The following NSMF variants were observed in gnomAD, a reference collection of about 807,000 sequenced individuals.
The protein encoded by NSMF is nasal embryonic LHRH factor.
NSMF carries 31 observed loss-of-function variants against 71.0 expected under a neutral mutation model. The ratio of observed to expected loss-of-function variants is 0.44; its 90% CI spans 0.33 to 0.59. The LOEUF is 0.59. Ranked by LOEUF, NSMF falls within the 20% of genes least tolerant of loss-of-function variation. NSMF has a pLI of 0.04. For missense variants in NSMF, 673 were observed against 740.5 expected (o/e 0.91, Z 1.06); for synonymous variants, 345 against 287.1 (o/e 1.20, Z -2.04).
intron 5 of NSMF, 139 bp from the exon 6 acceptor site, chr9:137,455,446 C>G (rs1255239432): frequency 5.2e-6 from 6 of 1,148,984 alleles, no homozygotes; most frequent in Non-Finnish European, 7.7e-6. Context: ...CCTGCCTCAC[C>G]TGTCGAGGCC....
In NSMF at chr9:137,455,226, T is replaced by C. The variant is rs764403004; in HGVS notation, c.779+13A>G. The C allele has an allele frequency of 3.1e-6, 5 of 1,612,538 alleles. No individual in the cohort carries two copies. The East Asian group carries it at 1.1e-4, about 36-fold the overall frequency. Reference sequence around the variant, plus strand: ...GAGATGGACCCTGGTGGCGAGTGGCTGGCAGGCCCTACCTCTGGATTACAG... The same window carrying C: ...GAGATGGACCCTGGTGGCGAGTGGCCGGCAGGCCCTACCTCTGGATTACAG... On this transcript the variant is annotated intron_variant, in intron 6 of 15. Coordinates refer to ENST00000371475, the MANE Select transcript of NSMF (RefSeq NM_001130969.3).
chr9:137,450,230 A>G lies in NSMF; in HGVS notation c.1262T>C (p.Leu421Pro). ...CQGGPGHLYL[L>P]KNKVATFAKV... ...GGCAAAGGTGGCCACCTTGTTCTTG[A>G]GGAGATAGAGGTGTCCAGGACCTCC... The change falls in exon 13 of 16, where the codon CTC (leucine) becomes CCC (proline). Residue 421 changes from leucine (L) to proline (P), a missense_variant. Leu to Pro is a moderately conservative substitution (Grantham distance 98). This residue lies in a region of NSMF where 202 missense variants were observed against 280.8 expected (regional missense o/e 0.72). Transcript: ENST00000371475. The G allele has an allele frequency of 6.2e-7, 1 of 1,613,372 alleles. No individual in the cohort carries two copies. Among genetic ancestry groups the G allele is most frequent in the Admixed American group, 1.7e-5 (1 of 60,016 alleles).
Position 137,457,622 on chromosome 9 carries a change from G to A in NSMF, c.413C>T (p.Pro138Leu). 6.4e-7 allele frequency: 1 copy of A among 1,550,764 alleles called. No individual in the cohort carries two copies. The highest frequency in any genetic ancestry group is 8.7e-7 in the Non-Finnish European group (1 of 1,147,074). The change falls in exon 3 of 16, where the codon CCC becomes CTC. Residue 138 changes from proline (P) to leucine (L), a missense_variant. Physicochemically the swap from Pro to Leu is moderately conservative, Grantham distance 98. Transcript: ENST00000371475. ...GCTGCCACCAGGGCTGGCGCGCAGGGGCTGGCTGTGATGGTGAGGGTGCCG... is the reference window on the plus strand; with the variant it reads ...GCTGCCACCAGGGCTGGCGCGCAGGAGCTGGCTGTGATGGTGAGGGTGCCG... The part of the protein sequence containing the change: ...RQRHPHHHSQ[P>L]LRASPGGSRE...
rs1830896719 is a variant in NSMF at position 137,457,488 on chromosome 9, C to T, written c.547G>A (p.Gly183Arg). 1.9e-6 allele frequency: 3 copies of T among 1,612,508 alleles called. No individual in the cohort carries two copies. The East Asian group carries it at 6.7e-5, about 36-fold the overall frequency. ...TCAGGCAGAGGTGGCTGGTCCAGCC[C>T]AAAGGCCCGAGGGGTGGGGCCAGGA... ...LAPGPTPRAF[G>R]LDQPPLPETS... The change falls in exon 3 of 16, where the codon GGG (glycine) becomes AGG (arginine). Residue 183 changes from glycine to arginine, a missense_variant. Gly to Arg is a moderately radical substitution (Grantham distance 125, BLOSUM62 -2). This residue lies in a region of NSMF where 471 missense variants were observed against 459.6 expected (regional missense o/e 1.02). Coordinates refer to ENST00000371475, the MANE Select transcript of NSMF (RefSeq NM_001130969.3).
chr9:137,449,366 A>G lies in NSMF; in HGVS notation c.*28T>C, dbSNP rs1296895443. On this transcript the variant is annotated 3_prime_UTR_variant, in exon 16 of 16. Coordinates refer to ENST00000371475, the MANE Select transcript of NSMF (RefSeq NM_001130969.3). ...GTCCCGGTGCAGAGGGAGTGGCCTG[A>G]TGGTGACTGGGCGGAGGCCTCTGCC... is the stretch of plus-strand genomic sequence containing the variant. 1 of 1,589,892 alleles carries G rather than the reference A, an allele frequency of 6.3e-7. No individual in the cohort carries two copies. The highest frequency in any genetic ancestry group is 2.2e-5 in the East Asian group (1 of 44,702).
At chr9:137,451,957 CAG>C (rs1441919078) in intron 12 of NSMF, among the ~76,000 whole-genome samples, 1 of 30,010 alleles carries the variant, frequency 3.3e-5, no homozygotes, top group Non-Finnish European at 7.1e-5. Flanking sequence ...TGGTCTCCCC[CAG>C]CCACACGCCT....
intron 14 of NSMF, 122 bp from the exon 15 acceptor site, chr9:137,449,796 A>G (rs1442048477): frequency 3.1e-6 from 4 of 1,301,314 alleles, no homozygotes; most frequent in Non-Finnish European, 3.3e-6. Context: ...GGGCTCAGGC[A>G]TAAAGGATTT....
rs73565600 is a variant in NSMF at position 137,450,159 on chromosome 9, G to A, written c.1316+17C>T. ...TGCCTCCAGCCCTCCCCGCGCCCAGGGCACCCGGCTTCTCACTGAATCATG... is the reference window on the plus strand; with the variant it reads ...TGCCTCCAGCCCTCCCCGCGCCCAGAGCACCCGGCTTCTCACTGAATCATG... On this transcript the variant is annotated intron_variant, in intron 13 of 15. Coordinates refer to ENST00000371475, the MANE Select transcript of NSMF (RefSeq NM_001130969.3). 5.6e-4 allele frequency: 905 copies of A among 1,612,434 alleles called. 3 individuals carry two copies. In the African/African-American group the frequency reaches 0.01, roughly 18 times the overall value.
intron 6 of NSMF, chr9:137,454,834 G>T: frequency 8.0e-7 from 1 of 1,256,572 alleles, no homozygotes; most frequent in Non-Finnish European, 1.0e-6. Context: ...CCCCATGGCG[G>T]GCTGGGGGCC....
rs1839745408 is a variant in NSMF at position 137,448,919 on chromosome 9, T to TAC, written c.*473_*474dup. ...GGGCCACCCTGGTGCTGGTGATCGA[T>TAC]ACGGCAGGGAGGGGGTGGGCAGGGA... On this transcript the variant is annotated 3_prime_UTR_variant, in exon 16 of 16. Coordinates refer to ENST00000371475, the MANE Select transcript of NSMF (RefSeq NM_001130969.3). This position sits in a 1 kb window ranked among gnomAD's most constrained non-coding sequence, Gnocchi z 5.3. The TAC allele has an allele frequency of 3.8e-6, 1 of 260,408 alleles. No individual in the cohort carries two copies. The highest frequency in any genetic ancestry group is 5.1e-5 in the Admixed American group (1 of 19,454). 16.1% of individuals were successfully genotyped at this position (260,408 alleles called of 1,614,324 possible).
rs1017282744 is a variant in NSMF, at chr9:137,453,459, G to A, written c.922+272C>T. ...CGCCGGGCGCCTGGGAGGGAGTGGG[G>A]GCGGGCACCGCAGCCCCCTGCCCCT... On this transcript the variant is annotated intron_variant, in intron 8 of 15. Coordinates refer to ENST00000371475, the MANE Select transcript of NSMF (RefSeq NM_001130969.3). The surrounding 1 kb of genome is among the most constrained non-coding windows in gnomAD (Gnocchi z 4.5). 6.7e-6 allele frequency: 4 copies of A among 601,284 alleles called. No individual in the cohort carries two copies. The Admixed American group carries it at 8.9e-5, about 13-fold the overall frequency. The allele number at this position is 601,284 out of a possible 1,614,324, so 37.2% of individuals were successfully genotyped here.
At chr9:137,457,303 G>T in intron 3 of NSMF, 104 bp downstream of exon 3, 3 of 1,505,040 alleles carry the variant, frequency 2.0e-6, no homozygotes, top group Non-Finnish European at 2.8e-6. Context: ...GCTGTGACCT[G>T]AGCACCTGTT....
At chr9:137,452,860 C>T (rs1830608901) in intron 9 of NSMF, 41 bp from the exon 10 acceptor site, 1 of 1,572,022 alleles carries the variant, frequency 6.4e-7, no homozygotes, top group African/African-American at 1.3e-5. Flanking sequence ...CAGGCCCATC[C>T]AAAAGCCAAG....
chr9:137,458,406 C>T (rs1474146808), intron 2 of NSMF, 82 bp downstream of exon 2: 3 of 1,276,672 alleles, frequency 2.3e-6, no homozygotes, highest in East Asian at 2.5e-5. Context: ...ATGCCCCTCA[C>T]GCTCCACCCC....
Position 137,453,734 on chromosome 9 carries a change from C to G in NSMF, c.919G>C (p.Asp307His), listed in dbSNP as rs1436893188. 2.5e-6 allele frequency: 4 copies of G among 1,600,828 alleles called. No individual in the cohort carries two copies. The highest frequency in any genetic ancestry group is 3.4e-6 in the Non-Finnish European group (4 of 1,177,624). The change falls in exon 8 of 16, where the codon GAC becomes CAC. Residue 307 changes from aspartate (D) to histidine (H), a missense_variant. Asp to His is a moderately conservative substitution (Grantham distance 81). Transcript: ENST00000371475. The surrounding 1 kb of genome is among the most constrained non-coding windows in gnomAD (Gnocchi z 4.5). ...CGGGCCTGTGCGGGGCACCTACTGT[C>G]TCGGGAGTCGTGGGAAGTGTCGGCT... is the stretch of plus-strand genomic sequence containing the variant. ...MKADTSHDSR[D>H]SSDLQSSHCT...
intron 4 of NSMF, 53 bp from the exon 5 acceptor site, chr9:137,455,687 AC>A (rs1425880997): frequency 2.6e-6 from 4 of 1,548,518 alleles, no homozygotes; most frequent in Non-Finnish European, 3.5e-6. Context: ...AGTGAGCTCA[AC>A]CCCGGGCCTC....
At chr9:137,454,993 G>A in intron 6 of NSMF, 1 of 720,766 alleles carries the variant, frequency 1.4e-6, no homozygotes. Flanking sequence ...AGTGGGGGAG[G>A]GGGGCCTTGC....
Position 137,459,065 on chromosome 9 carries a change from C to T in NSMF, c.38G>A (p.Ser13Asn). 1 of 1,274,622 alleles carries T rather than the reference C, an allele frequency of 7.8e-7. No individual in the cohort carries two copies. The highest frequency in any genetic ancestry group is 2.6e-5 in the South Asian group (1 of 38,962). 79.0% of individuals were successfully genotyped at this position (1,274,622 alleles called of 1,614,324 possible). ...GGCCGCCACCGAGGACATGGCCTCG[C>T]TCCTCAGCGCCCTCCTCCTGGAGGC... ...AAASRRRALR[S>N]EAMSSVAAKV... The change falls in exon 1 of 16, where the codon AGC becomes AAC. Residue 13 changes from serine to asparagine, a missense_variant. Around this residue, in one of 2 missense-constraint regions of NSMF, gnomAD observed 471 missense variants for 459.6 expected, o/e 1.02. Transcript: ENST00000371475.
In NSMF at chr9:137,459,260, T is replaced by C. The variant is rs1588515777; in HGVS notation, c.-158A>G. ...CTTGGGCTCGGGGTCGGGCTCGGGG[T>C]CGGGCCCGGTCCCCGCATGGCCGCA... On this transcript the variant is annotated 5_prime_UTR_variant, in exon 1 of 16. Coordinates refer to ENST00000371475, the MANE Select transcript of NSMF (RefSeq NM_001130969.3). The C allele has an allele frequency of 8.6e-6, 3 of 350,706 alleles. No homozygotes were observed. The East Asian group carries it at 4.5e-4, about 53-fold the overall frequency. 21.7% of individuals were successfully genotyped at this position (350,706 alleles called of 1,614,324 possible). A position where few individuals can be genotyped will look rare whatever the true frequency, so the allele number is the denominator to read the frequency against.
Sources: gnomAD v4.1 joint callset for allele counts (sites outside exome capture counted in the v4.1 genomes callset) on GRCh38, gnomAD v4.1.1 for gene constraint, gnomAD v4.1.1 regional missense constraint, Gnocchi (gnomAD v3.1) non-coding constraint, MANE v1.5 for transcripts, NCBI Gene and HGNC (gene_info 2026-07-23, HGNC 2026-07-21) for gene names.